The following RASGRF2 variants were observed in gnomAD, a reference collection of about 807,000 sequenced individuals.
The protein encoded by RASGRF2 is ras-specific guanine nucleotide-releasing factor 2.
A neutral mutation model predicts 151.0 loss-of-function variants in RASGRF2; 76 were observed. The observed-to-expected ratio is 0.50, with a 90% confidence interval of 0.42 to 0.61. The LOEUF is 0.61. RASGRF2 is among the 20% of genes least tolerant of loss of function. The probability of loss-of-function intolerance (pLI) is 0.00; values close to 1 mark genes in which losing one functional copy is unlikely to be tolerated. For synonymous variants in RASGRF2, 504 were observed against 566.5 expected, an observed-to-expected ratio of 0.89 and a Z score of 1.57; for missense variants, 1,148 against 1,564.6, an observed-to-expected ratio of 0.73 and a Z score of 4.49.
chr5:81,180,382 A>G (rs1184018610), intron 18 of RASGRF2, 101 bp downstream of exon 18: 7 of 725,646 alleles, frequency 9.6e-6, no homozygotes, highest in Admixed American at 3.9e-5. Flanking sequence ...TTGGAGTTCA[A>G]TGTGAAACCT....
chr5:81,002,992 GTAAT>G (rs1749126109), intron 1 of RASGRF2, among the ~76,000 whole-genome samples: 1 of 152,106 alleles, frequency 6.6e-6, no homozygotes, highest in Non-Finnish European at 1.5e-5. Flanking sequence ...TTTGGTCAAA[GTAAT>G]TAATTATTTG....
intron 12 of RASGRF2, among the ~76,000 whole-genome samples, chr5:81,105,288 G>A (rs902630759): frequency 4.6e-5 from 7 of 152,100 alleles, no homozygotes; most frequent in African/African-American, 1.7e-4. Context: ...TTCCCCAGGG[G>A]TTTGGACTAT....
chr5:81,151,424 A>C (rs1265898335), intron 17 of RASGRF2, among the ~76,000 whole-genome samples: 2 of 145,240 alleles, frequency 1.4e-5, no homozygotes, highest in African/African-American at 2.6e-5. Context: ...TCGCTCTGTC[A>C]CCCAGGCTGG....
intron 1 of RASGRF2, among the ~76,000 whole-genome samples, chr5:81,028,430 C>T (rs536621047): frequency 2.0e-5 from 3 of 152,014 alleles, no homozygotes; most frequent in African/African-American, 7.2e-5. Context: ...TTTAGAATCT[C>T]AGTTTTCAGG....
At chr5:81,091,994 C>G (rs1434159706) in intron 9 of RASGRF2, among the ~76,000 whole-genome samples, 2 of 152,004 alleles carry the variant, frequency 1.3e-5, no homozygotes, top group Non-Finnish European at 2.9e-5. Flanking sequence ...TTTGTTAGTA[C>G]TTTTTGGTTT....
Position 80,960,906 on chromosome 5 carries a change from C to T in RASGRF2, c.168C>T (p.Gly56=). The part of the protein sequence containing the change: ...LYQNVLFYFE[G]EQSCRPAGMY... ...AGAATGTGCTCTTCTACTTCGAGGG[C>T]GAGCAGAGCTGCCGCCCGGCGGGCA... is the stretch of plus-strand genomic sequence containing the variant. The change falls in exon 1 of 27, where the codon GGC becomes GGT. Residue 56 remains glycine, a synonymous_variant. Transcript: ENST00000265080. This position sits in a 1 kb window ranked among gnomAD's most constrained non-coding sequence, Gnocchi z 5.5. 1.2e-6 allele frequency: 2 copies of T among 1,606,684 alleles called. No homozygotes were observed. Among genetic ancestry groups the T allele is most frequent in the South Asian group, 1.1e-5 (1 of 90,800 alleles).
At chr5:81,205,744 GTTTTA>G (rs1243877525) in intron 19 of RASGRF2, among the ~76,000 whole-genome samples, 5 of 152,016 alleles carry the variant, frequency 3.3e-5, no homozygotes, top group African/African-American at 7.2e-5. Context: ...ATTTTATTTT[GTTTTA>G]TTTTATTTAT....
chr5:81,143,908 T>C (rs1753944597), intron 17 of RASGRF2, among the ~76,000 whole-genome samples: 1 of 149,642 alleles, frequency 6.7e-6, no homozygotes, highest in African/African-American at 2.4e-5. Flanking sequence ...AAAAAAAGAC[T>C]AAAAAAATTC....
At chr5:81,068,272 T>C in intron 3 of RASGRF2, 93 bp downstream of exon 3, 1 of 1,433,254 alleles carries the variant, frequency 7.0e-7, no homozygotes, top group Non-Finnish European at 9.4e-7. Context: ...AACATTTTAA[T>C]CCCAGGCTGA....
At chr5:81,016,094 T>C (rs1278113562) in intron 1 of RASGRF2, among the ~76,000 whole-genome samples, 2 of 152,214 alleles carry the variant, frequency 1.3e-5, no homozygotes, top group Non-Finnish European at 2.9e-5. Context: ...GCTATCTCTC[T>C]GTAAACAAGT....
At chr5:81,028,907 A>C (rs909846058) in intron 1 of RASGRF2, among the ~76,000 whole-genome samples, 3 of 152,166 alleles carry the variant, frequency 2.0e-5, no homozygotes, top group Admixed American at 6.5e-5. Flanking sequence ...AGCCAAGGGA[A>C]GCCCTGCCAG....
intron 24 of RASGRF2, chr5:81,217,128 A>AT (rs539701683): frequency 1.4e-4 from 77 of 568,810 alleles, no homozygotes; most frequent in East Asian, 1.1e-3. Context: ...TGAATATGCC[A>AT]TTTTTTTTCA....
chr5:81,130,304 C>G (rs1221694437), intron 17 of RASGRF2, among the ~76,000 whole-genome samples: 2 of 152,210 alleles, frequency 1.3e-5, no homozygotes, highest in Non-Finnish European at 2.9e-5. Context: ...TCTGAAGCCA[C>G]ATGATTTGAT....
chr5:81,062,239 A>AT (rs1751466676), intron 2 of RASGRF2, among the ~76,000 whole-genome samples: 1 of 152,106 alleles, frequency 6.6e-6, no homozygotes, highest in Non-Finnish European at 1.5e-5. Flanking sequence ...AGCCAGTGTG[A>AT]TTGATTCTCT....
intron 17 of RASGRF2, among the ~76,000 whole-genome samples, chr5:81,179,561 G>A (rs919429325): frequency 2.0e-5 from 3 of 152,172 alleles, no homozygotes; most frequent in Non-Finnish European, 4.4e-5. Flanking sequence ...CTTTGATATA[G>A]GTTTATGTCG....
At chr5:81,203,136 C>G (rs1194348183) in intron 19 of RASGRF2, among the ~76,000 whole-genome samples, 1 of 152,192 alleles carries the variant, frequency 6.6e-6, no homozygotes. Context: ...TGAGGTGAAG[C>G]CTGATTTCAG....
intron 1 of RASGRF2, among the ~76,000 whole-genome samples, chr5:81,037,637 A>G (rs1320464466): frequency 2.0e-5 from 3 of 152,254 alleles, no homozygotes; most frequent in Non-Finnish European, 4.4e-5. Context: ...TAAAAAGATC[A>G]ATACAAAATT....
intron 12 of RASGRF2, among the ~76,000 whole-genome samples, chr5:81,099,102 G>A (rs1752624742): frequency 1.3e-5 from 2 of 152,242 alleles, no homozygotes; most frequent in South Asian, 2.1e-4. Flanking sequence ...AACTCCATAA[G>A]CTCCATAGAT....
intron 22 of RASGRF2, among the ~76,000 whole-genome samples, chr5:81,208,843 A>G (rs1477109255): frequency 6.6e-6 from 1 of 152,018 alleles, no homozygotes; most frequent in Non-Finnish European, 1.5e-5. Context: ...GAGCCACCGC[A>G]CCTGGCCTGC....
Sources: gnomAD v4.1 joint callset for allele counts (sites outside exome capture counted in the v4.1 genomes callset) on GRCh38, gnomAD v4.1.1 for gene constraint, Gnocchi (gnomAD v3.1) non-coding constraint, MANE v1.5 for transcripts, NCBI Gene and HGNC (gene_info 2026-07-23, HGNC 2026-07-21) for gene names.